The following MACF1 variants were observed in gnomAD, a reference collection of about 807,000 sequenced individuals.
MACF1 encodes microtubule-actin cross-linking factor 1.
In MACF1, 193 loss-of-function variants were observed where a neutral mutation model predicts 854.8. The ratio of observed to expected loss-of-function variants is 0.23; its 90% CI spans 0.20 to 0.25. The LOEUF is 0.25. Among genes scored for constraint, MACF1 ranks in the 10% least tolerant of loss-of-function variants. The pLI is 1.00. For missense variants in MACF1, 7,722 were observed against 8,929.1 expected (o/e 0.86, Z 5.45); for synonymous variants, 3,185 against 3,226.7 (o/e 0.99, Z 0.44).
intron 61 of MACF1, among the ~76,000 whole-genome samples, chr1:39,426,815 C>A (rs1022628444): frequency 6.6e-6 from 1 of 151,412 alleles, no homozygotes; most frequent in South Asian, 2.1e-4. Context: ...ATTCAGCCAG[C>A]GTGAGGTTTT....
intron 2 of MACF1, among the ~76,000 whole-genome samples, chr1:39,180,127 C>T (rs1003889020): frequency 1.3e-5 from 2 of 152,106 alleles, no homozygotes; most frequent in African/African-American, 2.4e-5. Flanking sequence ...CTCCTCAAAG[C>T]TGCTCTAAAT....
intron 6 of MACF1, among the ~76,000 whole-genome samples, chr1:39,281,472 A>G (rs1320241347): frequency 7.2e-6 from 1 of 138,884 alleles, no homozygotes; most frequent in African/African-American, 2.9e-5. Context: ...CTATGTCATT[A>G]AAATTTTCTT....
At chr1:39,282,008 A>G (rs986439891) in intron 6 of MACF1, among the ~76,000 whole-genome samples, 200 bp from the exon 7 acceptor site, 4 of 152,184 alleles carry the variant, frequency 2.6e-5, no homozygotes, top group African/African-American at 9.6e-5. Flanking sequence ...TCCTAGTTTG[A>G]TAGGTGAAAA....
At chr1:39,186,268 C>CT (rs763403413) in intron 2 of MACF1, among the ~76,000 whole-genome samples, 1,943 of 118,082 alleles carry the variant, frequency 0.016, 56 homozygotes, top group African/African-American at 0.058. Context: ...GGTGAAATGA[C>CT]TTTTTTTTTT....
intron 52 of MACF1, among the ~76,000 whole-genome samples, chr1:39,376,146 A>G (rs751035068): frequency 1.3e-5 from 2 of 152,200 alleles, no homozygotes; most frequent in Admixed American, 6.5e-5. Flanking sequence ...TACTTTCCCC[A>G]GAAAAGCAGC....
chr1:39,255,819 G>A (rs1331136402), intron 5 of MACF1, among the ~76,000 whole-genome samples: 1 of 152,160 alleles, frequency 6.6e-6, no homozygotes, highest in Non-Finnish European at 1.5e-5. Context: ...GCCTGTGTGT[G>A]GAGCTAGAGG....
intron 2 of MACF1, among the ~76,000 whole-genome samples, chr1:39,154,932 T>C (rs1395609978): frequency 6.6e-6 from 1 of 152,192 alleles, no homozygotes; most frequent in Non-Finnish European, 1.5e-5. Flanking sequence ...CCTATTAGTC[T>C]GCCAGATCCT....
At chr1:39,484,246 C>T (rs1645066294) in intron 99 of MACF1, among the ~76,000 whole-genome samples, 1 of 152,172 alleles carries the variant, frequency 6.6e-6, no homozygotes, top group South Asian at 2.1e-4. Flanking sequence ...ACCCCAAAAT[C>T]TTGATACCTA....
At chr1:39,122,706 A>C (rs187939035) in intron 2 of MACF1, among the ~76,000 whole-genome samples, 1 of 152,302 alleles carries the variant, frequency 6.6e-6, no homozygotes, top group Admixed American at 6.5e-5. Context: ...ACCTAAGCTG[A>C]GAGTGGGGGT....
chr1:39,444,996 CTGT>C (rs201257838), intron 80 of MACF1, among the ~76,000 whole-genome samples, 161 bp downstream of exon 80: 6,420 of 152,250 alleles, frequency 0.042, 216 homozygotes, highest in Non-Finnish European at 0.065. Context: ...GTATAAGTTT[CTGT>C]TGTTATTTGC....
At chr1:39,464,846 G>A (rs755364612) in intron 94 of MACF1, 8 of 429,830 alleles carry the variant, frequency 1.9e-5, no homozygotes, top group African/African-American at 6.2e-5. Flanking sequence ...CGCCGGGGTC[G>A]GAGGTTGCAG....
intron 58 of MACF1, chr1:39,414,337 G>T: frequency 6.2e-7 from 1 of 1,614,026 alleles, no homozygotes; most frequent in Non-Finnish European, 8.5e-7. Context: ...AGGAACACCT[G>T]TTCTAGAGGA....
intron 52 of MACF1, among the ~76,000 whole-genome samples, chr1:39,377,307 C>A (rs746242194): frequency 6.6e-6 from 1 of 152,080 alleles, no homozygotes; most frequent in African/African-American, 2.4e-5. Flanking sequence ...CCACCGCGCC[C>A]GGCCAACTAT....
chr1:39,203,077 GA>G (rs896944314), upstream of MACF1, among the ~76,000 whole-genome samples: 6 of 151,208 alleles, frequency 4.0e-5, no homozygotes, highest in African/African-American at 1.2e-4. Flanking sequence ...ATTTCACATA[GA>G]AAAAAAAGTA....
intron 6 of MACF1, among the ~76,000 whole-genome samples, chr1:39,258,564 G>GT (rs1363593611): frequency 1.3e-5 from 2 of 152,200 alleles, no homozygotes; most frequent in Non-Finnish European, 2.9e-5. Flanking sequence ...TATTCACATG[G>GT]TCACATGGCC....
intron 20 of MACF1, among the ~76,000 whole-genome samples, chr1:39,297,161 C>T (rs1269553702): frequency 2.6e-5 from 4 of 152,118 alleles, no homozygotes; most frequent in Non-Finnish European, 4.4e-5. Context: ...CTCCTGACCT[C>T]GTGATCTGCC....
chr1:39,268,588 A>T, intron 6 of MACF1: 1 of 1,181,908 alleles, frequency 8.5e-7, no homozygotes, highest in Middle Eastern at 2.7e-4. Flanking sequence ...TTGCCGGCAT[A>T]GTGCATGTTT....
chr1:39,101,141 G>A (rs1347055246), intron 2 of MACF1, among the ~76,000 whole-genome samples: 1 of 151,388 alleles, frequency 6.6e-6, no homozygotes. Context: ...TGGATTACCT[G>A]AGGTCAGGAC....
At chr1:39,119,272 G>A (rs1273038897) in intron 2 of MACF1, among the ~76,000 whole-genome samples, 4 of 135,650 alleles carry the variant, frequency 2.9e-5, no homozygotes, top group South Asian at 2.4e-4. Flanking sequence ...AGCCGAGATC[G>A]CACCATTGCA....
Sources: allele counts gnomAD v4.1 joint callset (sites outside exome capture counted in the v4.1 genomes callset), GRCh38; gene constraint gnomAD v4.1.1; transcripts MANE v1.5; gene names NCBI Gene and HGNC (gene_info 2026-07-23, HGNC 2026-07-21).